Variants in NOL4 observed in about 807,000 individuals in gnomAD.
NOL4 encodes the protein cancer/testis antigen 125.
In NOL4, 17 loss-of-function variants were observed where a neutral mutation model predicts 75.9. That is an observed-to-expected ratio of 0.22 (90% CI 0.15 to 0.34). The LOEUF (loss-of-function observed/expected upper bound fraction) is 0.34. Among genes scored for constraint, NOL4 ranks in the 10% least tolerant of loss-of-function variants. NOL4 has a pLI of 1.00. For missense variants in NOL4, 614 were observed against 793.5 expected, an observed-to-expected ratio of 0.77 and a Z score of 2.72; for synonymous variants, 292 against 289.9, an observed-to-expected ratio of 1.01 and a Z score of -0.07.
At chr18:34,189,607 C>T (rs1319519010) in intron 1 of NOL4, among the ~76,000 whole-genome samples, 1 of 152,146 alleles carries the variant, frequency 6.6e-6, no homozygotes. Context: ...CCAAGTTACA[C>T]ATGTAAGCTT....
intron 1 of NOL4, among the ~76,000 whole-genome samples, chr18:34,132,030 A>G (rs1020836144): frequency 6.6e-6 from 1 of 152,230 alleles, no homozygotes; most frequent in Non-Finnish European, 1.5e-5. Flanking sequence ...CAAAATGTCC[A>G]CAGAGCTATA....
At chr18:34,060,375 T>C (rs1017128885) in intron 5 of NOL4, among the ~76,000 whole-genome samples, 1 of 152,192 alleles carries the variant, frequency 6.6e-6, no homozygotes, top group Non-Finnish European at 1.5e-5. Context: ...CTTTATATGG[T>C]TGGGAACTTA....
chr18:34,113,783 G>C (rs2145773077), intron 2 of NOL4, among the ~76,000 whole-genome samples: 1 of 152,282 alleles, frequency 6.6e-6, no homozygotes, highest in East Asian at 1.9e-4. Context: ...CTAATTCAGA[G>C]ACAGCATTGA....
chr18:34,188,950 G>C (rs1233646145), intron 1 of NOL4, among the ~76,000 whole-genome samples: 1 of 152,016 alleles, frequency 6.6e-6, no homozygotes, highest in Admixed American at 6.5e-5. Flanking sequence ...GAAGATTAAA[G>C]GTAAAATGAG....
intron 9 of NOL4, among the ~76,000 whole-genome samples, chr18:33,934,862 GTT>G (rs869081039): frequency 2.5e-4 from 29 of 118,278 alleles, no homozygotes; most frequent in African/African-American, 2.9e-4. Flanking sequence ...GGAGTAGCAC[GTT>G]TTTTTTTTTT....
chr18:33,917,924 T>A (rs977836452), intron 9 of NOL4, among the ~76,000 whole-genome samples: 4 of 152,214 alleles, frequency 2.6e-5, no homozygotes, highest in Non-Finnish European at 4.4e-5. Flanking sequence ...TTTAAACACA[T>A]TTTATGAACT....
In NOL4 at chr18:34,147,632, G is replaced by A. The variant is rs373814084; in HGVS notation, c.265-17612C>T. Among the ~76,000 whole-genome samples the A allele has an allele frequency of 5.3e-5, 8 of 152,160 alleles. No homozygotes were observed. In the East Asian group the frequency reaches 1.2e-3, roughly 22 times the overall value. ...ATTTGGTTTGCCAGTATTTTATTGA[G>A]GATTTTGGCATCAATGTTTATAATG... On this transcript the variant is annotated intron_variant, in intron 1 of 10. Transcript: ENST00000261592.
intron 10 of NOL4, among the ~76,000 whole-genome samples, chr18:33,881,425 G>C (rs1413632935): frequency 6.6e-6 from 1 of 150,690 alleles, no homozygotes; most frequent in South Asian, 2.1e-4. Context: ...GGTGAGAGAG[G>C]GCATCCCTGT....
intron 2 of NOL4, among the ~76,000 whole-genome samples, chr18:34,113,438 G>A (rs566187873): frequency 6.6e-6 from 1 of 152,148 alleles, no homozygotes; most frequent in South Asian, 2.1e-4. Context: ...CTAGGAGTTC[G>A]TGACAACCCA....
intron 6 of NOL4, among the ~76,000 whole-genome samples, chr18:33,989,013 TA>T (rs1167277677): frequency 6.6e-6 from 1 of 151,052 alleles, no homozygotes; most frequent in South Asian, 2.1e-4. Context: ...ATGGGCAAGA[TA>T]AAAAAGCCCA....
chr18:34,181,499 C>T (rs1300619440), intron 1 of NOL4, among the ~76,000 whole-genome samples: 1 of 151,490 alleles, frequency 6.6e-6, no homozygotes, highest in Non-Finnish European at 1.5e-5. Context: ...ATCATTATGA[C>T]CTTGCTTTAA....
chr18:33,891,881 G>C (rs1286585208), intron 9 of NOL4, among the ~76,000 whole-genome samples: 1 of 152,104 alleles, frequency 6.6e-6, no homozygotes, highest in Non-Finnish European at 1.5e-5. Context: ...TGGCCTTGTA[G>C]GGATTCATTT....
rs2036482934 is a variant in NOL4, at chr18:34,211,091, G to GGGAAGGAAGAAGGAAGGAAAGAA, written c.264+11876_264+11898dup. 2.8e-5 allele frequency among the ~76,000 whole-genome samples: 4 copies of GGGAAGGAAGAAGGAAGGAAAGAA among 141,838 alleles called. No individual in the cohort carries two copies. The Admixed American group carries it at 3.0e-4, about 11-fold the overall frequency. The allele number at this position is 141,838 out of a possible 152,430, so 93.1% of individuals were successfully genotyped here. On this transcript the variant is annotated intron_variant, in intron 1 of 10. Coordinates refer to ENST00000261592, the MANE Select transcript of NOL4 (RefSeq NM_003787.5). ...TAAGACTCTCAAATAAAAGAAAGGA[G>GGGAAGGAAGAAGGAAGGAAAGAA]GGAAGGAAGAAGGAAGGAAAGAAGG...
chr18:34,088,700 T>C (rs1350455327), intron 5 of NOL4, among the ~76,000 whole-genome samples: 1 of 152,112 alleles, frequency 6.6e-6, no homozygotes, highest in Non-Finnish European at 1.5e-5. Context: ...CTTAAAAACA[T>C]TCTTTTAAGT....
chr18:34,054,513 T>C (rs2076752540), intron 5 of NOL4, among the ~76,000 whole-genome samples: 1 of 151,960 alleles, frequency 6.6e-6, no homozygotes, highest in East Asian at 1.9e-4. Flanking sequence ...TTAATGTTAG[T>C]ATAGCACCTC....
At chr18:33,919,717 A>G (rs996883211) in intron 9 of NOL4, among the ~76,000 whole-genome samples, 3 of 152,194 alleles carry the variant, frequency 2.0e-5, no homozygotes, top group Non-Finnish European at 2.9e-5. Context: ...GCTTATTTGC[A>G]GTGTAATTAC....
chr18:33,936,023 G>A (rs1388576081), intron 9 of NOL4, among the ~76,000 whole-genome samples: 1 of 151,988 alleles, frequency 6.6e-6, no homozygotes, highest in Non-Finnish European at 1.5e-5. Flanking sequence ...CCTATTGAAT[G>A]GTGTTGCTTT....
chr18:34,082,507 T>G (rs2078057831), intron 5 of NOL4, among the ~76,000 whole-genome samples: 1 of 152,206 alleles, frequency 6.6e-6, no homozygotes, highest in African/African-American at 2.4e-5. Context: ...TAGAAATGCC[T>G]TTTAAAAATA....
chr18:34,168,986 A>T (rs139530041), intron 1 of NOL4, among the ~76,000 whole-genome samples: 1,896 of 152,040 alleles, frequency 0.012, 15 homozygotes, highest in Middle Eastern at 0.05. Flanking sequence ...ACCAAAACAC[A>T]TTTTCAGACA....
Sources: allele counts gnomAD v4.1 joint callset (sites outside exome capture counted in the v4.1 genomes callset), GRCh38; gene constraint gnomAD v4.1.1; transcripts MANE v1.5; gene names NCBI Gene and HGNC (gene_info 2026-07-23, HGNC 2026-07-21).